The following CYP3A4 variants were observed in gnomAD, a reference collection of about 807,000 sequenced individuals.
CYP3A4 encodes cytochrome P450 3A4.
Under a neutral mutation model 54.9 loss-of-function variants are expected in CYP3A4, and 41 were observed. That is an observed-to-expected ratio of 0.75 (90% CI 0.58 to 0.97). The LOEUF is 0.97. Ranked by LOEUF, CYP3A4 falls within the 50% of genes least tolerant of loss-of-function variation. CYP3A4 has a pLI of 0.00. For missense variants in CYP3A4, 510 were observed against 597.3 expected (o/e 0.85, Z 1.52); for synonymous variants, 179 against 205.2 (o/e 0.87, Z 1.09).
chr7:99,761,025 A>T, intron 11 of CYP3A4, 44 bp from the exon 12 acceptor site: 3 of 1,604,002 alleles, frequency 1.9e-6, no homozygotes, highest in Non-Finnish European at 2.6e-6. Flanking sequence ...ATGACATAAT[A>T]CCCCTAAGAG....
At chr7:99,775,372 C>T (rs1584547936) in intron 3 of CYP3A4, among the ~76,000 whole-genome samples, 1 of 152,188 alleles carries the variant, frequency 6.6e-6, no homozygotes, top group Middle Eastern at 3.4e-3. Context: ...AAAAAAGAGC[C>T]CACATAGACA....
At chr7:99,779,946 T>A in intron 2 of CYP3A4, 46 bp downstream of exon 2, 1 of 1,558,892 alleles carries the variant, frequency 6.4e-7, no homozygotes, top group Non-Finnish European at 8.8e-7. Context: ...ACTAAGCTGC[T>A]CTTGGCAATC....
chr7:99,771,308 T>A (rs1353161543), intron 4 of CYP3A4, among the ~76,000 whole-genome samples: 3 of 152,162 alleles, frequency 2.0e-5, no homozygotes, highest in African/African-American at 4.8e-5. Context: ...CAAAGCACAT[T>A]TCTATGTAAC....
intron 4 of CYP3A4, among the ~76,000 whole-genome samples, chr7:99,770,693 C>T (rs1049963364): frequency 6.6e-6 from 1 of 151,840 alleles, no homozygotes; most frequent in Non-Finnish European, 1.5e-5. Flanking sequence ...AGAAGTGCCT[C>T]AATGTGATGG....
chr7:99,758,221 A>AG lies in CYP3A4; in HGVS notation c.1423dup (p.Leu475ProfsTer20), dbSNP rs1281816635. 4 of 1,613,680 alleles carry AG rather than the reference A, an allele frequency of 2.5e-6. No individual in the cohort carries two copies. The African/African-American group carries it at 5.3e-5, about 22-fold the overall frequency. On this transcript the variant is annotated frameshift_variant, in exon 13 of 13. Coordinates refer to ENST00000651514, the MANE Select transcript of CYP3A4 (RefSeq NM_017460.6). LOFTEE classifies it low-confidence loss of function (END_TRUNC). Reference sequence around the variant, plus strand: ...AAGAAGTCCTCCTAAGCTTAATTTCAGGGGGATCTGCAACAGTTAAACAAG... The same window carrying AG: ...AAGAAGTCCTCCTAAGCTTAATTTCAGGGGGGATCTGCAACAGTTAAACAAG...
intron 6 of CYP3A4, 123 bp downstream of exon 6, chr7:99,769,645 A>C: frequency 1.9e-6 from 2 of 1,059,942 alleles, no homozygotes; most frequent in Non-Finnish European, 2.8e-6. Context: ...TTGAAGTTGC[A>C]TTACCACAGC....
chr7:99,781,738 C>T (rs1484782216), intron 1 of CYP3A4, among the ~76,000 whole-genome samples: 2 of 152,158 alleles, frequency 1.3e-5, no homozygotes, highest in African/African-American at 4.8e-5. Context: ...TTCATATGGG[C>T]TTTTAGCTAA....
Position 99,778,087 on chromosome 7 carries a change from G to A in CYP3A4, c.166-7C>T, listed in dbSNP as rs745489865. The A allele has an allele frequency of 5.6e-6, 9 of 1,607,452 alleles. No homozygotes were observed. The highest frequency in any genetic ancestry group is 7.7e-6 in the Non-Finnish European group (9 of 1,174,624). On this transcript the variant is annotated splice_polypyrimidine_tract_variant and splice_region_variant and intron_variant, in intron 2 of 12. Coordinates refer to ENST00000651514, the MANE Select transcript of CYP3A4 (RefSeq NM_017460.6). ...TGTCAAACATACAAAAGCCCTGGGA[G>A]GAGAAACAAAATAATATTTGATTAT...
At chr7:99,766,608 C>A in intron 8 of CYP3A4, 165 bp from the exon 9 acceptor site, 1 of 814,656 alleles carries the variant, frequency 1.2e-6, no homozygotes, top group Non-Finnish European at 1.9e-6. Context: ...CCTTCTAAAT[C>A]CTTGGAAAGC....
intron 1 of CYP3A4, among the ~76,000 whole-genome samples, chr7:99,780,721 C>A (rs539023550): frequency 6.6e-6 from 1 of 152,298 alleles, no homozygotes; most frequent in South Asian, 2.1e-4. Context: ...CAACTGTGCT[C>A]AAGGCTTCCA....
chr7:99,771,536 A>T (rs1001771604), intron 4 of CYP3A4, among the ~76,000 whole-genome samples: 1 of 152,250 alleles, frequency 6.6e-6, no homozygotes, highest in East Asian at 1.9e-4. Context: ...CACATTTTCC[A>T]TAAACTGGTC....
Position 99,784,143 on chromosome 7 carries a change from G to T in CYP3A4, c.-62C>A, listed in dbSNP as rs12721636. 1.0e-3 allele frequency: 1,513 copies of T among 1,492,528 alleles called. 14 individuals are homozygous for T. In the Middle Eastern group the frequency reaches 0.029, roughly 29 times the overall value. The allele number at this position is 1,492,528 out of a possible 1,614,324, so 92.5% of individuals were successfully genotyped here. ...TCCTTTCAGCTCTGTGTTGCTCTTTGCTGGGCTATGTGCATGGAGCTTTCC... is the reference window on the plus strand; with the variant it reads ...TCCTTTCAGCTCTGTGTTGCTCTTTTCTGGGCTATGTGCATGGAGCTTTCC... On this transcript the variant is annotated 5_prime_UTR_variant, in exon 1 of 13. Coordinates refer to ENST00000651514, the MANE Select transcript of CYP3A4 (RefSeq NM_017460.6).
Position 99,768,346 on chromosome 7 carries a change from C to A in CYP3A4, c.670+8G>T. 1 of 1,612,484 alleles carries A rather than the reference C, an allele frequency of 6.2e-7. No individual in the cohort carries two copies. The highest frequency in any genetic ancestry group is 2.2e-5 in the East Asian group (1 of 44,830). ...AAGATAAATAAAAGGAAATAGTAGT[C>A]CACATACTTATTGAGAGAAAGAATG... is the stretch of plus-strand genomic sequence containing the variant. On this transcript the variant is annotated splice_region_variant and intron_variant, in intron 7 of 12. Transcript: ENST00000651514.
intron 12 of CYP3A4, among the ~76,000 whole-genome samples, chr7:99,759,608 G>A (rs1381110445): frequency 1.3e-5 from 2 of 152,160 alleles, no homozygotes; most frequent in African/African-American, 4.8e-5. Context: ...AATAAAATGA[G>A]AGGATATTGT....
chr7:99,757,673 T>C lies in CYP3A4; in HGVS notation c.*460A>G, dbSNP rs1261410889. On this transcript the variant is annotated 3_prime_UTR_variant, in exon 13 of 13. Transcript: ENST00000651514. ...CCTTAATGTGCAGGAAAGCATCTGA[T>C]AATACTTTTGTAAAGTGGTCTTTAT... is the stretch of plus-strand genomic sequence containing the variant. 1 of 163,828 alleles carries C rather than the reference T, an allele frequency of 6.1e-6. No individual in the cohort carries two copies. The highest frequency in any genetic ancestry group is 5.7e-5 in the Admixed American group (1 of 17,514). 10.1% of individuals were successfully genotyped at this position (163,828 alleles called of 1,614,324 possible). A position where few individuals can be genotyped will look rare whatever the true frequency, so the allele number is the denominator to read the frequency against.
At chr7:99,758,855 A>G (rs1027873937) in intron 12 of CYP3A4, among the ~76,000 whole-genome samples, 9 of 152,164 alleles carry the variant, frequency 5.9e-5, no homozygotes, top group Admixed American at 5.9e-4. Flanking sequence ...CTTGGCTTCC[A>G]AGGGTAGTGC....
At chr7:99,759,204 A>G (rs184095474) in intron 12 of CYP3A4, among the ~76,000 whole-genome samples, 12 of 152,330 alleles carry the variant, frequency 7.9e-5, no homozygotes, top group Admixed American at 7.8e-4. Context: ...CCTCTCCTAT[A>G]TAGAAAGCCT....
chr7:99,778,054 A>T lies in CYP3A4; in HGVS notation c.192T>A (p.Cys64Ter). 1 of 1,612,922 alleles carries T rather than the reference A, an allele frequency of 6.2e-7. No individual in the cohort carries two copies. The highest frequency in any genetic ancestry group is 1.3e-5 in the African/African-American group (1 of 75,030). Residue 64 changes from cysteine (C) to a stop codon, truncating the protein, a stop_gained, in exon 3 of 13, where the codon TGT becomes TGA. Coordinates refer to ENST00000651514, the MANE Select transcript of CYP3A4 (RefSeq NM_017460.6). LOFTEE classifies it high-confidence loss of function. ...HKGFCMFDME[C>*]HKKYGKVWGF... Reference sequence around the variant, plus strand: ...CCCACACTTTTCCATACTTTTTATGACATTCCATGTCAAACATACAAAAGC... The same window carrying T: ...CCCACACTTTTCCATACTTTTTATGTCATTCCATGTCAAACATACAAAAGC...
intron 2 of CYP3A4, 77 bp from the exon 3 acceptor site, chr7:99,778,157 G>C: frequency 8.3e-7 from 1 of 1,199,890 alleles, no homozygotes; most frequent in Non-Finnish European, 1.2e-6. Context: ...GATGAAAACA[G>C]TCGAAGCCAA....
Sources: allele counts gnomAD v4.1 joint callset (sites outside exome capture counted in the v4.1 genomes callset), GRCh38; gene constraint gnomAD v4.1.1; transcripts MANE v1.5; gene names NCBI Gene and HGNC (gene_info 2026-07-23, HGNC 2026-07-21).